Variants in DPYD observed in about 807,000 individuals in gnomAD.
The protein encoded by DPYD is dihydropyrimidine dehydrogenase, also known as dihydropyrimidine dehydrogenase [NADP(+)].
In DPYD, 109 loss-of-function variants were observed where a neutral mutation model predicts 116.2. That is an observed-to-expected ratio of 0.94 (90% CI 0.80 to 1.10). DPYD has a LOEUF of 1.10. Ranked by LOEUF, DPYD falls within the 50% of genes least tolerant of loss-of-function variation. The probability of loss-of-function intolerance (pLI) is 0.00; values close to 1 mark genes in which losing one functional copy is unlikely to be tolerated. For synonymous variants in DPYD, 440 were observed against 432.0 expected, an observed-to-expected ratio of 1.02 and a Z score of -0.23; for missense variants, 1,302 against 1,254.5, an observed-to-expected ratio of 1.04 and a Z score of -0.57.
intron 16 of DPYD, among the ~76,000 whole-genome samples, chr1:97,366,294 T>G (rs570963501): frequency 5.3e-5 from 8 of 152,190 alleles, no homozygotes; most frequent in Non-Finnish European, 2.9e-5. Context: ...TGATTAGAGA[T>G]AGTTTTTCTC....
At chr1:97,882,405 A>G (rs1672272511) in intron 2 of DPYD, among the ~76,000 whole-genome samples, 1 of 152,020 alleles carries the variant, frequency 6.6e-6, no homozygotes, top group South Asian at 2.1e-4. Context: ...CAAAGAGTTC[A>G]TAATATAAGA....
intron 6 of DPYD, among the ~76,000 whole-genome samples, chr1:97,692,797 T>C (rs866009327): frequency 6.6e-6 from 1 of 152,182 alleles, no homozygotes; most frequent in African/African-American, 2.4e-5. Context: ...CTTTAATGTG[T>C]ATATATACAT....
At chr1:97,823,024 A>C (rs1669039409) in intron 3 of DPYD, among the ~76,000 whole-genome samples, 2 of 152,236 alleles carry the variant, frequency 1.3e-5, no homozygotes, top group Admixed American at 6.5e-5. Flanking sequence ...TTGGCACATA[A>C]TAGTTGCACA....
chr1:97,727,032 G>C (rs1663304433), intron 4 of DPYD, among the ~76,000 whole-genome samples: 1 of 151,592 alleles, frequency 6.6e-6, no homozygotes, highest in African/African-American at 2.4e-5. Context: ...GTTAAAAATT[G>C]TTTTAAGTTA....
At chr1:97,479,887 G>A (rs1678202343) in intron 13 of DPYD, among the ~76,000 whole-genome samples, 1 of 152,116 alleles carries the variant, frequency 6.6e-6, no homozygotes, top group Non-Finnish European at 1.5e-5. Flanking sequence ...TATTTAGGGG[G>A]CAATGTGTCC....
At chr1:97,249,464 T>C (rs1662937565) in intron 18 of DPYD, among the ~76,000 whole-genome samples, 1 of 152,044 alleles carries the variant, frequency 6.6e-6, no homozygotes, top group African/African-American at 2.4e-5. Flanking sequence ...TTTTTAAAGA[T>C]TCAAGATGAA....
chr1:97,726,643 A>G (rs1409648985), intron 4 of DPYD, among the ~76,000 whole-genome samples: 1 of 151,544 alleles, frequency 6.6e-6, no homozygotes, highest in Non-Finnish European at 1.5e-5. Context: ...TCCTTGTAAT[A>G]TAAAAACAGT....
intron 12 of DPYD, among the ~76,000 whole-genome samples, chr1:97,522,627 GA>G (rs1358210209): frequency 2.0e-5 from 3 of 151,696 alleles, no homozygotes; most frequent in Non-Finnish European, 2.9e-5. Context: ...GCTGAGGCAG[GA>G]GAATGGCGTG....
At chr1:97,228,018 A>C (rs1313460998) in intron 19 of DPYD, among the ~76,000 whole-genome samples, 1 of 151,852 alleles carries the variant, frequency 6.6e-6, no homozygotes, top group Non-Finnish European at 1.5e-5. Flanking sequence ...CTTTACAATG[A>C]AGTCTGTTTT....
In DPYD at chr1:97,135,868, G is replaced by A. The variant is rs1653747644; in HGVS notation, c.2623-37236C>T. 3.9e-5 allele frequency among the ~76,000 whole-genome samples: 6 copies of A among 152,248 alleles called. No individual in the cohort carries two copies. In the South Asian group the frequency reaches 1.0e-3, roughly 26 times the overall value. On this transcript the variant is annotated intron_variant, in intron 20 of 22. Transcript: ENST00000370192. ...TGATGGACTAATAGTGGAAATACTA[G>A]GCTGAGAGAGTGTTTCTGTTATTTT...
chr1:97,390,815 C>T (rs1330358418), intron 14 of DPYD, among the ~76,000 whole-genome samples: 4 of 151,902 alleles, frequency 2.6e-5, no homozygotes, highest in Non-Finnish European at 5.9e-5. Flanking sequence ...GCTACAGTAA[C>T]TTGCTTTTTC....
chr1:97,241,229 A>G (rs1273945694), intron 18 of DPYD, among the ~76,000 whole-genome samples: 1 of 151,948 alleles, frequency 6.6e-6, no homozygotes, highest in Non-Finnish European at 1.5e-5. Context: ...ATTTTTACCA[A>G]GAGAATTAAT....
At chr1:97,626,706 G>T (rs534120243) in intron 8 of DPYD, among the ~76,000 whole-genome samples, 51 of 152,098 alleles carry the variant, frequency 3.4e-4, no homozygotes, top group African/African-American at 1.1e-3. Context: ...TTCCGCATTA[G>T]CCTGACCATT....
At chr1:97,358,386 C>T (rs569066294) in intron 16 of DPYD, among the ~76,000 whole-genome samples, 2 of 152,322 alleles carry the variant, frequency 1.3e-5, no homozygotes, top group East Asian at 3.9e-4. Flanking sequence ...CATAGCTGAA[C>T]AAAAGGCAGC....
chr1:97,093,713 A>C (rs1650042603), intron 21 of DPYD, among the ~76,000 whole-genome samples: 1 of 152,116 alleles, frequency 6.6e-6, no homozygotes. Context: ...CATAAATATA[A>C]TCTGTTAAAA....
chr1:97,633,476 G>A (rs1195825584), intron 8 of DPYD, among the ~76,000 whole-genome samples: 1 of 152,012 alleles, frequency 6.6e-6, no homozygotes, highest in African/African-American at 2.4e-5. Context: ...TAGAGAGAGT[G>A]GGAGGGCATA....
At chr1:97,538,969 A>G (rs1456135171) in intron 12 of DPYD, among the ~76,000 whole-genome samples, 1 of 152,228 alleles carries the variant, frequency 6.6e-6, no homozygotes, top group East Asian at 1.9e-4. Context: ...GACACTTACT[A>G]TAGGAATACA....
intron 5 of DPYD, chr1:97,719,805 A>T: frequency 1.0e-6 from 1 of 984,024 alleles, no homozygotes; most frequent in Non-Finnish European, 1.2e-6. Context: ...TGATATTGAA[A>T]TTACAATTAT....
intron 12 of DPYD, among the ~76,000 whole-genome samples, chr1:97,540,805 C>A (rs528638216): frequency 4.9e-4 from 74 of 152,236 alleles, no homozygotes; most frequent in Non-Finnish European, 3.7e-4. Flanking sequence ...CCTGTAGTTA[C>A]CTATGGGCTG....
Sources: allele counts gnomAD v4.1 joint callset (sites outside exome capture counted in the v4.1 genomes callset), GRCh38; gene constraint gnomAD v4.1.1; transcripts MANE v1.5; gene names NCBI Gene and HGNC (gene_info 2026-07-23, HGNC 2026-07-21).